Variants in MAP2K6 observed in about 807,000 individuals in gnomAD.
MAP2K6 encodes mitogen-activated protein kinase kinase 6.
A neutral mutation model predicts 53.7 loss-of-function variants in MAP2K6; 16 were observed. The observed-to-expected ratio is 0.30, with a 90% CI of 0.20 to 0.45. MAP2K6 has a LOEUF of 0.45. Ranked by LOEUF, MAP2K6 falls within the 20% of genes least tolerant of loss-of-function variation. The pLI, the probability that MAP2K6 is intolerant of heterozygous loss-of-function variation, is 1.00. For missense variants in MAP2K6, 204 were observed against 411.9 expected, an observed-to-expected ratio of 0.50 and a Z score of 4.37; for synonymous variants, 132 against 143.1, an observed-to-expected ratio of 0.92 and a Z score of 0.55.
intron 1 of MAP2K6, among the ~76,000 whole-genome samples, chr17:69,492,482 G>A (rs1908789679): frequency 6.6e-6 from 1 of 152,046 alleles, no homozygotes; most frequent in Non-Finnish European, 1.5e-5. Flanking sequence ...CTTATTTCTG[G>A]GCTCTGTATT....
At chr17:69,428,660 A>G (rs1260485494) in intron 1 of MAP2K6, among the ~76,000 whole-genome samples, 2 of 152,200 alleles carry the variant, frequency 1.3e-5, no homozygotes, top group South Asian at 2.1e-4. Context: ...AAGTTCTGGT[A>G]TAAGATACGA....
At chr17:69,423,327 T>C (rs1268419499) in intron 1 of MAP2K6, among the ~76,000 whole-genome samples, 1 of 152,370 alleles carries the variant, frequency 6.6e-6, no homozygotes, top group Admixed American at 6.5e-5. Flanking sequence ...AAAGTTTTAT[T>C]GGAACACAGC....
intron 2 of MAP2K6, among the ~76,000 whole-genome samples, chr17:69,508,041 GTT>G (rs71144698): frequency 3.9e-3 from 173 of 44,838 alleles, no homozygotes; most frequent in African/African-American, 0.014. Flanking sequence ...TATATATGTA[GTT>G]TTTTTTTTTT....
intron 1 of MAP2K6, among the ~76,000 whole-genome samples, chr17:69,495,502 C>A (rs1297573104): frequency 2.0e-5 from 3 of 152,146 alleles, no homozygotes; most frequent in Non-Finnish European, 2.9e-5. Flanking sequence ...TCCCAAAGTG[C>A]TGGAATTACA....
chr17:69,528,852 G>A (rs1431970368), intron 10 of MAP2K6, among the ~76,000 whole-genome samples: 3 of 95,468 alleles, frequency 3.1e-5, no homozygotes, highest in African/African-American at 4.5e-5. Context: ...AGAGAGAGAC[G>A]CCATCTCAAA....
At chr17:69,511,226 A>C (rs1361835357) in intron 2 of MAP2K6, among the ~76,000 whole-genome samples, 1 of 152,192 alleles carries the variant, frequency 6.6e-6, no homozygotes, top group African/African-American at 2.4e-5. Flanking sequence ...TGAAGCAAAA[A>C]GTATCACTTC....
chr17:69,455,387 A>G (rs930047546), intron 1 of MAP2K6, among the ~76,000 whole-genome samples: 2 of 152,168 alleles, frequency 1.3e-5, no homozygotes, highest in Admixed American at 6.5e-5. Context: ...CTTTCTGGTC[A>G]CAGGAGGGCT....
intron 1 of MAP2K6, among the ~76,000 whole-genome samples, chr17:69,464,397 T>C (rs1368832048): frequency 6.6e-6 from 1 of 152,196 alleles, no homozygotes; most frequent in Admixed American, 6.5e-5. Flanking sequence ...AGAGTCTTGC[T>C]CTTTTGTCCA....
intron 8 of MAP2K6, among the ~76,000 whole-genome samples, chr17:69,524,394 G>A (rs1463831993): frequency 6.6e-6 from 1 of 150,990 alleles, no homozygotes; most frequent in East Asian, 1.9e-4. Context: ...AAGATTCACC[G>A]TCATTAGCAG....
intron 1 of MAP2K6, among the ~76,000 whole-genome samples, chr17:69,475,730 A>T (rs932911739): frequency 6.6e-6 from 1 of 151,884 alleles, no homozygotes; most frequent in African/African-American, 2.4e-5. Flanking sequence ...CAGGTAGCTC[A>T]CCCTCCTCCA....
Position 69,549,126 on chromosome 17 carries a change from AT to A in MAP2K6, c.*7378del, listed in dbSNP as rs952024959. 3.3e-5 allele frequency: 5 copies of A among 152,036 alleles called. No individual in the cohort carries two copies. The highest frequency in any genetic ancestry group is 4.8e-5 in the African/African-American group (2 of 41,412). 9.4% of individuals were successfully genotyped at this position (152,036 alleles called of 1,614,324 possible). On this transcript the variant is annotated 3_prime_UTR_variant, in exon 12 of 12. Coordinates refer to ENST00000590474, the MANE Select transcript of MAP2K6 (RefSeq NM_002758.4). Reference sequence around the variant, plus strand: ...TTTGAACTTGGACATTGAGCCCTTTATTTTTGGGAGTTTACAGTTAAATTTT... The same window carrying A: ...TTTGAACTTGGACATTGAGCCCTTTATTTTGGGAGTTTACAGTTAAATTTT...
chr17:69,436,805 TTTTTC>T (rs1006040784), intron 1 of MAP2K6, among the ~76,000 whole-genome samples: 2 of 151,934 alleles, frequency 1.3e-5, no homozygotes, highest in Non-Finnish European at 2.9e-5. Context: ...CTTTCTTCTT[TTTTTC>T]TTTTCTTTTC....
chr17:69,482,328 A>G (rs1908376609), intron 1 of MAP2K6, among the ~76,000 whole-genome samples: 1 of 152,066 alleles, frequency 6.6e-6, no homozygotes, highest in Admixed American at 6.6e-5. Context: ...TAGTTTTCTG[A>G]ATAGGTACTA....
chr17:69,453,596 T>C (rs1476202027), intron 1 of MAP2K6, among the ~76,000 whole-genome samples: 5 of 152,376 alleles, frequency 3.3e-5, no homozygotes, highest in African/African-American at 4.8e-5. Flanking sequence ...AGAATGCATA[T>C]GTATGCATAT....
intron 1 of MAP2K6, among the ~76,000 whole-genome samples, chr17:69,425,406 G>A (rs552112622): frequency 5.3e-5 from 8 of 151,914 alleles, no homozygotes; most frequent in African/African-American, 1.4e-4. Flanking sequence ...TCCGCCTCCC[G>A]GGTTCAAGTG....
intron 1 of MAP2K6, among the ~76,000 whole-genome samples, chr17:69,479,832 A>T (rs891506613): frequency 6.6e-6 from 1 of 151,140 alleles, no homozygotes; most frequent in Non-Finnish European, 1.5e-5. Context: ...TCCTGCCTCC[A>T]AGCAATTCTC....
intron 1 of MAP2K6, among the ~76,000 whole-genome samples, chr17:69,469,965 G>T (rs1337699501): frequency 6.6e-6 from 1 of 152,106 alleles, no homozygotes; most frequent in East Asian, 1.9e-4. Context: ...ACTTTGGGAG[G>T]CTGAGGCGGG....
At position 69,494,117 on chromosome 17, in the gene MAP2K6, GA is replaced by G. The variant is rs1908856731; in HGVS notation, c.17-11657del. On this transcript the variant is annotated intron_variant, in intron 1 of 11. Transcript: ENST00000590474. The surrounding 1 kb of genome is among the most constrained non-coding windows in gnomAD (Gnocchi z 4.2). ...GGGATAAGAGCAGCAGAATCCAGTG[GA>G]AAAAACTACAGGACACATGGCCTGC... Among the ~76,000 whole-genome samples the G allele has an allele frequency of 1.3e-5, 2 of 152,192 alleles. No individual in the cohort carries two copies. The highest frequency in any genetic ancestry group is 2.9e-5 in the Non-Finnish European group (2 of 68,036).
At chr17:69,477,335 A>G (rs1264930825) in intron 1 of MAP2K6, 1 of 152,228 alleles carries the variant, frequency 6.6e-6, no homozygotes, top group African/African-American at 2.4e-5. Flanking sequence ...TCTCCTGTCC[A>G]TCATTGTTCA....
Sources: gnomAD v4.1 joint callset for allele counts (sites outside exome capture counted in the v4.1 genomes callset) on GRCh38, gnomAD v4.1.1 for gene constraint, Gnocchi (gnomAD v3.1) non-coding constraint, MANE v1.5 for transcripts, NCBI Gene and HGNC (gene_info 2026-07-23, HGNC 2026-07-21) for gene names.